The following RIMS2 variants were observed in gnomAD, a reference collection of about 807,000 sequenced individuals.
The protein encoded by RIMS2 is regulating synaptic membrane exocytosis protein 2.
In RIMS2, 59 loss-of-function variants were observed where a neutral mutation model predicts 174.4. The observed-to-expected ratio is 0.34, with a 90% CI of 0.27 to 0.42. The LOEUF is 0.42. Among genes scored for constraint, RIMS2 ranks in the 10% least tolerant of loss-of-function variants. RIMS2 has a pLI of 1.00. For missense variants in RIMS2, 1,620 were observed against 1,666.3 expected (o/e 0.97, Z 0.48); for synonymous variants, 606 against 572.5 (o/e 1.06, Z -0.84).
chr8:103,519,008 G>A (rs1054025719), intron 1 of RIMS2, among the ~76,000 whole-genome samples: 6 of 151,852 alleles, frequency 4.0e-5, no homozygotes, highest in African/African-American at 1.2e-4. Context: ...TTGCATACAC[G>A]GTCCTTCACA....
intron 1 of RIMS2, among the ~76,000 whole-genome samples, chr8:103,558,269 G>A (rs2090892184): frequency 6.6e-6 from 1 of 152,106 alleles, no homozygotes; most frequent in Admixed American, 6.5e-5. Context: ...CACCCAGGCT[G>A]GAGTGCAGTG....
intron 14 of RIMS2, among the ~76,000 whole-genome samples, chr8:103,960,398 T>C (rs564531179): frequency 6.6e-6 from 1 of 152,344 alleles, no homozygotes; most frequent in Admixed American, 6.5e-5. Context: ...TTTCCTAGTC[T>C]ATTTCTTAGA....
At chr8:103,616,109 G>A (rs535085514) in intron 1 of RIMS2, among the ~76,000 whole-genome samples, 80 of 152,242 alleles carry the variant, frequency 5.3e-4, no homozygotes, top group African/African-American at 1.7e-3. Context: ...GAACATTGAT[G>A]TAAAAATCAA....
intron 14 of RIMS2, among the ~76,000 whole-genome samples, chr8:103,949,496 A>T (rs1013041660): frequency 1.3e-5 from 2 of 152,188 alleles, no homozygotes; most frequent in African/African-American, 4.8e-5. Context: ...AAATCTCTGG[A>T]CAAGCTTGAA....
chr8:103,989,286 A>G lies in RIMS2; in HGVS notation c.2928-19A>G, dbSNP rs1337323247. The G allele has an allele frequency of 1.5e-6, 2 of 1,373,762 alleles. No homozygotes were observed. The highest frequency in any genetic ancestry group is 2.9e-5 in the African/African-American group (2 of 70,174). 85.1% of individuals were successfully genotyped at this position (1,373,762 alleles called of 1,614,324 possible). On this transcript the variant is annotated intron_variant, in intron 16 of 23. Coordinates refer to ENST00000504942, the Ensembl canonical transcript of RIMS2. ...TTCAAATGGTTTACTAAGATATTGAATAGATCTTGTTGTTTTAGTCGGAAT... is the reference window on the plus strand; with the variant it reads ...TTCAAATGGTTTACTAAGATATTGAGTAGATCTTGTTGTTTTAGTCGGAAT...
chr8:103,825,393 C>G (rs1239515211), intron 3 of RIMS2, among the ~76,000 whole-genome samples: 1 of 151,770 alleles, frequency 6.6e-6, no homozygotes, highest in African/African-American at 2.4e-5. Flanking sequence ...GATCCTCCCA[C>G]TTCAGCCTTC....
chr8:103,598,425 C>A (rs1416850919), intron 1 of RIMS2, among the ~76,000 whole-genome samples: 3 of 152,100 alleles, frequency 2.0e-5, no homozygotes, highest in Non-Finnish European at 2.9e-5. Flanking sequence ...TGAAATAAAT[C>A]CTTATTCATC....
At chr8:103,748,242 G>C (rs984801742) in intron 2 of RIMS2, among the ~76,000 whole-genome samples, 1 of 151,906 alleles carries the variant, frequency 6.6e-6, no homozygotes, top group Admixed American at 6.6e-5. Flanking sequence ...AGGAGTTCAA[G>C]ACTAGACTGG....
intron 19 of RIMS2, among the ~76,000 whole-genome samples, chr8:104,166,059 C>CTTTTTTTTT (rs560648211): frequency 1.0e-5 from 1 of 97,854 alleles, no homozygotes; most frequent in Non-Finnish European, 2.0e-5. Context: ...TTTTGGATTT[C>CTTTTTTTTT]TTTTTTTTTT....
At chr8:104,223,349 G>A in intron 19 of RIMS2, 6 of 1,134,904 alleles carry the variant, frequency 5.3e-6, no homozygotes, top group Non-Finnish European at 6.5e-6. Flanking sequence ...AGCAGCTCCA[G>A]CCTCCAGGAT....
chr8:103,892,798 C>T (rs750428438), intron 4 of RIMS2, among the ~76,000 whole-genome samples: 8 of 152,026 alleles, frequency 5.3e-5, no homozygotes, highest in Non-Finnish European at 1.0e-4. Flanking sequence ...CCATGAGCCA[C>T]TGCACCTGGC....
chr8:104,173,187 C>T (rs1435778252), intron 19 of RIMS2, among the ~76,000 whole-genome samples: 1 of 152,150 alleles, frequency 6.6e-6, no homozygotes, highest in Non-Finnish European at 1.5e-5. Flanking sequence ...GACTATGAAA[C>T]AAGTGTAACA....
chr8:104,220,535 T>C (rs1451038676), intron 19 of RIMS2, among the ~76,000 whole-genome samples: 2 of 152,168 alleles, frequency 1.3e-5, no homozygotes, highest in Non-Finnish European at 2.9e-5. Context: ...TCAGCCAGCA[T>C]TGTGATGTCC....
intron 3 of RIMS2, among the ~76,000 whole-genome samples, chr8:103,781,953 G>C (rs913836699): frequency 6.6e-6 from 1 of 151,452 alleles, no homozygotes; most frequent in Non-Finnish European, 1.5e-5. Context: ...TCACCATGTT[G>C]GTCAGGCTGG....
chr8:104,046,439 T>C (rs1322090734), intron 19 of RIMS2, among the ~76,000 whole-genome samples: 2 of 152,100 alleles, frequency 1.3e-5, no homozygotes, highest in Non-Finnish European at 2.9e-5. Context: ...ATATCAATTC[T>C]TGTCAGATTT....
chr8:104,115,107 A>G (rs1185669623), intron 19 of RIMS2, among the ~76,000 whole-genome samples: 1 of 152,132 alleles, frequency 6.6e-6, no homozygotes, highest in African/African-American at 2.4e-5. Flanking sequence ...TCAATTTATT[A>G]TAAACCCTAA....
chr8:103,611,430 C>T (rs1457723543), intron 1 of RIMS2, among the ~76,000 whole-genome samples: 1 of 151,812 alleles, frequency 6.6e-6, no homozygotes, highest in Non-Finnish European at 1.5e-5. Context: ...TCTTCTTGCC[C>T]ATTAACATTT....
intron 19 of RIMS2, among the ~76,000 whole-genome samples, chr8:104,099,385 T>G (rs887073743): frequency 6.6e-6 from 1 of 152,192 alleles, no homozygotes; most frequent in African/African-American, 2.4e-5. Context: ...GTTTTCTTCT[T>G]TATCACCAAG....
chr8:104,097,611 CAA>C (rs61692286), intron 19 of RIMS2, among the ~76,000 whole-genome samples: 107 of 134,598 alleles, frequency 7.9e-4, no homozygotes, highest in Admixed American at 1.5e-3. Flanking sequence ...TAAGCAATAG[CAA>C]AAAAAAAAAA....
Sources: gnomAD v4.1 joint callset for allele counts (sites outside exome capture counted in the v4.1 genomes callset) on GRCh38, gnomAD v4.1.1 for gene constraint, MANE v1.5 for transcripts, NCBI Gene and HGNC (gene_info 2026-07-23, HGNC 2026-07-21) for gene names.